Variants in UNC13B observed in about 807,000 individuals in gnomAD.
UNC13B encodes the protein unc-13 homolog B, also known as protein unc-13 homolog B.
In UNC13B, 144 loss-of-function variants were observed where a neutral mutation model predicts 211.0. That is an observed-to-expected ratio of 0.68 (90% CI 0.60 to 0.78). The LOEUF (loss-of-function observed/expected upper bound fraction) is 0.78. UNC13B is among the 30% of genes least tolerant of loss of function. The probability of loss-of-function intolerance (pLI) is 0.00; values close to 1 mark genes in which losing one functional copy is unlikely to be tolerated. For missense variants in UNC13B, 1,777 were observed against 2,002.0 expected, an observed-to-expected ratio of 0.89 and a Z score of 2.14; for synonymous variants, 709 against 725.8, an observed-to-expected ratio of 0.98 and a Z score of 0.37.
At chr9:35,328,648 CT>C (rs1478597263) in intron 11 of UNC13B, among the ~76,000 whole-genome samples, 8 of 114,492 alleles carry the variant, frequency 7.0e-5, no homozygotes, top group East Asian at 3.7e-4. Flanking sequence ...TCCTTCCTTC[CT>C]TCCTTCCTTC....
chr9:35,398,448 G>T, intron 31 of UNC13B, 106 bp from the exon 32 acceptor site: 1 of 1,373,576 alleles, frequency 7.3e-7, no homozygotes, highest in Non-Finnish European at 1.0e-6. Context: ...CCCTGCGAGG[G>T]AGGAATAGGC....
intron 6 of UNC13B, among the ~76,000 whole-genome samples, chr9:35,244,303 A>G (rs73499316): frequency 0.026 from 3,965 of 152,304 alleles, 175 homozygotes; most frequent in African/African-American, 0.088. Context: ...ATTATGAAAT[A>G]GAGCTATTGG....
At chr9:35,365,113 G>GTT (rs1457732774) in intron 11 of UNC13B, among the ~76,000 whole-genome samples, 1 of 152,226 alleles carries the variant, frequency 6.6e-6, no homozygotes, top group Non-Finnish European at 1.5e-5. Flanking sequence ...CTGTAGCCCT[G>GTT]TTACGTGGTT....
In UNC13B at chr9:35,386,072, A is replaced by C. The variant is rs1835168404; in HGVS notation, c.10966-93A>C. The stretch of plus-strand genomic sequence containing the variant: ...AAGTCTAGGGACCCAGACAGGGATG[A>C]AAGAATCTAGAGTAGGTTTGGGGTA... On this transcript the variant is annotated intron_variant, in intron 23 of 39. Transcript: ENST00000635942. 5 of 1,561,566 alleles carry C rather than the reference A, an allele frequency of 3.2e-6. No individual in the cohort carries two copies. The South Asian group carries it at 6.1e-5, about 19-fold the overall frequency.
chr9:35,203,694 G>A (rs901193149), intron 1 of UNC13B, among the ~76,000 whole-genome samples: 1 of 152,212 alleles, frequency 6.6e-6, no homozygotes, highest in Non-Finnish European at 1.5e-5. Context: ...TTCAAGATGT[G>A]GCCTGGCTGC....
At chr9:35,243,025 T>C (rs1054891958) in intron 5 of UNC13B, among the ~76,000 whole-genome samples, 1 of 152,200 alleles carries the variant, frequency 6.6e-6, no homozygotes, top group African/African-American at 2.4e-5. Context: ...CATCTCTTTA[T>C]AAACTGTGAC....
rs1473849582 is a variant in UNC13B, at chr9:35,397,187, T to C, written c.11553T>C (p.His3851=). The C allele has an allele frequency of 1.2e-6, 2 of 1,614,192 alleles. No individual in the cohort carries two copies. The highest frequency in any genetic ancestry group is 2.2e-5 in the East Asian group (1 of 44,878). ...KKDGFQQTSE[H]ALFSCSVVDV... is the part of the protein sequence containing the mutation. ...CTTAGTTCCAGCAGACATCAGAGCA[T>C]GCACTCTTTTCCTGCTCTGTGGTGG... is the stretch of plus-strand genomic sequence containing the variant. Residue 3851 remains histidine, a synonymous_variant, in exon 29 of 40, where the codon CAT becomes CAC. Transcript: ENST00000635942.
At chr9:35,391,569 G>A (rs182782869) in intron 26 of UNC13B, among the ~76,000 whole-genome samples, 44 of 152,282 alleles carry the variant, frequency 2.9e-4, no homozygotes, top group Admixed American at 2.5e-3. Flanking sequence ...ATTTGAGCCA[G>A]CCACAGACTA....
At chr9:35,313,379 C>G (rs1214351787) in intron 10 of UNC13B, among the ~76,000 whole-genome samples, 1 of 152,056 alleles carries the variant, frequency 6.6e-6, no homozygotes, top group Non-Finnish European at 1.5e-5. Context: ...AATCCCAGCA[C>G]TTTGGGAGGC....
rs368568811 is a variant in UNC13B at position 35,203,378 on chromosome 9, T to C, written c.23-24637T>C. On this transcript the variant is annotated intron_variant, in intron 1 of 39. Transcript: ENST00000635942. ...TGGTGACAAAATCTCTCAGCATTTG[T>C]TTGTCTGTAAAGGATTTTATTTCTC... is the stretch of plus-strand genomic sequence containing the variant. 9.2e-4 allele frequency among the ~76,000 whole-genome samples: 135 copies of C among 146,934 alleles called. 2 individuals are homozygous for C. The South Asian group carries it at 0.02, about 22-fold the overall frequency.
At chr9:35,358,498 C>T (rs1025135067) in intron 11 of UNC13B, among the ~76,000 whole-genome samples, 6 of 152,004 alleles carry the variant, frequency 3.9e-5, no homozygotes, top group African/African-American at 1.4e-4. Flanking sequence ...AAGTAATAGC[C>T]ATTGTAATGG....
At chr9:35,344,495 A>G (rs545363383) in intron 11 of UNC13B, among the ~76,000 whole-genome samples, 2 of 152,324 alleles carry the variant, frequency 1.3e-5, no homozygotes, top group African/African-American at 4.8e-5. Context: ...TTCCATGACA[A>G]TGAATTCTCA....
chr9:35,162,103 T>G lies in UNC13B; in HGVS notation c.-181T>G. The G allele has an allele frequency of 1.1e-6, 1 of 913,722 alleles. No individual in the cohort carries two copies. Among genetic ancestry groups the G allele is most frequent in the Non-Finnish European group, 1.6e-6 (1 of 606,956 alleles). 56.6% of individuals were successfully genotyped at this position (913,722 alleles called of 1,614,324 possible). A position where few individuals can be genotyped will look rare whatever the true frequency, so the allele number is the denominator to read the frequency against. ...GTACTCACCGCTACCCGGAGTTCGC[T>G]CAGACGGTGAGATTTGGGGCGGGTC... On this transcript the variant is annotated 5_prime_UTR_variant, in exon 1 of 40. Transcript: ENST00000635942.
intron 11 of UNC13B, among the ~76,000 whole-genome samples, chr9:35,314,315 G>A (rs1186809084): frequency 6.6e-6 from 1 of 152,124 alleles, no homozygotes; most frequent in Non-Finnish European, 1.5e-5. Context: ...CCTGAGGATA[G>A]TTGTCTCCCT....
At chr9:35,198,132 G>A (rs941530430) in intron 1 of UNC13B, among the ~76,000 whole-genome samples, 8 of 152,144 alleles carry the variant, frequency 5.3e-5, no homozygotes, top group African/African-American at 1.7e-4. Context: ...GATAGGATTT[G>A]GATCTATGTC....
At chr9:35,204,745 G>T (rs563900623) in intron 1 of UNC13B, among the ~76,000 whole-genome samples, 1 of 152,306 alleles carries the variant, frequency 6.6e-6, no homozygotes, top group African/African-American at 2.4e-5. Context: ...AGTAGCTAAT[G>T]TGTTTGATTT....
At chr9:35,174,690 G>A (rs182261646) in intron 1 of UNC13B, among the ~76,000 whole-genome samples, 1 of 152,258 alleles carries the variant, frequency 6.6e-6, no homozygotes, top group East Asian at 1.9e-4. Flanking sequence ...TGGGACTACA[G>A]GCGCCCGCCA....
intron 11 of UNC13B, among the ~76,000 whole-genome samples, chr9:35,332,273 A>T (rs1169526000): frequency 6.6e-6 from 1 of 152,204 alleles, no homozygotes; most frequent in African/African-American, 2.4e-5. Context: ...TTGTAAGCAG[A>T]TGTTCCCAAA....
chr9:35,224,225 T>C (rs1322313236), intron 1 of UNC13B, among the ~76,000 whole-genome samples: 2 of 152,232 alleles, frequency 1.3e-5, no homozygotes, highest in African/African-American at 4.8e-5. Context: ...ATTTAATCTC[T>C]AGATTGCTTT....
Sources: allele counts gnomAD v4.1 joint callset (sites outside exome capture counted in the v4.1 genomes callset), GRCh38; gene constraint gnomAD v4.1.1; transcripts MANE v1.5; gene names NCBI Gene and HGNC (gene_info 2026-07-23, HGNC 2026-07-21).